P4HB: variants seen among roughly 807,000 people sequenced by gnomAD.
P4HB encodes prolyl 4-hydroxylase subunit beta, also known as protein disulfide-isomerase.
Under a neutral mutation model 52.6 loss-of-function variants are expected in P4HB, and 20 were observed. The observed-to-expected ratio is 0.38, with a 90% CI of 0.27 to 0.55. The LOEUF (loss-of-function observed/expected upper bound fraction) is 0.55, where lower values mean the gene tolerates loss of function less well. Ranked by LOEUF, P4HB falls within the 20% of genes least tolerant of loss-of-function variation. P4HB has a pLI of 0.74. For missense variants in P4HB, 601 were observed against 669.2 expected, an observed-to-expected ratio of 0.90 and a Z score of 1.12; for synonymous variants, 296 against 277.9, an observed-to-expected ratio of 1.07 and a Z score of -0.65.
intron 4 of P4HB, among the ~76,000 whole-genome samples, chr17:81,849,139 T>C (rs2038787929): frequency 6.6e-6 from 1 of 151,854 alleles, no homozygotes; most frequent in South Asian, 2.1e-4. Flanking sequence ...GGCAGGAGGA[T>C]TGCTTGAGTC....
chr17:81,844,178 C>CG (rs2038696460), intron 10 of P4HB, 86 bp from the exon 11 acceptor site: 4 of 957,656 alleles, frequency 4.2e-6, no homozygotes, highest in Non-Finnish European at 6.8e-6. Flanking sequence ...CTGCTCACAC[C>CG]GGGGACTAGC....
chr17:81,850,145 T>C (rs1169224312), intron 4 of P4HB, among the ~76,000 whole-genome samples: 2 of 151,644 alleles, frequency 1.3e-5, no homozygotes, highest in Non-Finnish European at 2.9e-5. Context: ...TTTTATTTTT[T>C]TTTTGAGACG....
At chr17:81,847,436 C>T (rs1396481236) in intron 4 of P4HB, 89 bp from the exon 5 acceptor site, 3 of 1,073,388 alleles carry the variant, frequency 2.8e-6, no homozygotes, top group East Asian at 2.4e-5. Flanking sequence ...GAAGTCACAG[C>T]AGCCAGCAGC....
At chr17:81,844,841 T>C (rs1198990752) in intron 10 of P4HB, among the ~76,000 whole-genome samples, 2 of 152,272 alleles carry the variant, frequency 1.3e-5, no homozygotes, top group South Asian at 2.1e-4. Context: ...TGAGTCCAAG[T>C]TAGCAGCATG....
chr17:81,858,246 C>T (rs1366096758), intron 2 of P4HB, among the ~76,000 whole-genome samples: 1 of 87,376 alleles, frequency 1.1e-5, no homozygotes, highest in East Asian at 2.9e-4. Context: ...CACGACAGAG[C>T]GAGACTGTCT....
At chr17:81,856,860 G>C (rs4796849) in intron 2 of P4HB, among the ~76,000 whole-genome samples, 21,478 of 151,940 alleles carry the variant, frequency 0.14, 1,922 homozygotes, top group Admixed American at 0.19. Flanking sequence ...GTGTTGGCCA[G>C]GCTGGTCTTG....
chr17:81,853,144 C>T (rs2038858351), intron 4 of P4HB, among the ~76,000 whole-genome samples: 1 of 152,160 alleles, frequency 6.6e-6, no homozygotes, highest in African/African-American at 2.4e-5. Flanking sequence ...GAGGAAGTGG[C>T]TGCAAAAACA....
chr17:81,859,048 G>A (rs1345607573), intron 2 of P4HB, 133 bp downstream of exon 2: 10 of 740,274 alleles, frequency 1.4e-5, no homozygotes, highest in East Asian at 5.1e-5. Flanking sequence ...CAGAGAACCC[G>A]GCCTGAGGAA....
rs755960544 is a variant in P4HB, at chr17:81,845,578, C to T, written c.1342G>A (p.Ala448Thr). 1 of 1,604,338 alleles carries T rather than the reference C, an allele frequency of 6.2e-7. No individual in the cohort carries two copies. The highest frequency in any genetic ancestry group is 1.1e-5 in the South Asian group (1 of 90,494). The change falls in exon 9 of 11, where the codon GCC (alanine) becomes ACC (threonine). Residue 448 changes from alanine to threonine, a missense_variant. Transcript: ENST00000331483. ...HSFPTLKFFP[A>T]SADRTVIDYN... The stretch of plus-strand genomic sequence containing the variant: ...AGGCGCACCGTCCTGTCGGCACTGG[C>T]AGGAAAGAACTTGAGTGTGGGGAAG...
chr17:81,854,276 C>T (rs918913393), intron 4 of P4HB, among the ~76,000 whole-genome samples: 2 of 152,182 alleles, frequency 1.3e-5, no homozygotes, highest in African/African-American at 2.4e-5. Flanking sequence ...CGGTGGCTCA[C>T]GCCTGTGATC....
intron 2 of P4HB, chr17:81,858,913 G>A (rs925677308): frequency 2.2e-5 from 10 of 463,040 alleles, no homozygotes; most frequent in Middle Eastern, 5.8e-4. Flanking sequence ...CCCTCTCCTC[G>A]CTGGTCAGTC....
At position 81,845,611 on chromosome 17, in the gene P4HB, C is replaced by T; in HGVS notation, c.1309G>A (p.Val437Met). 1 of 1,612,830 alleles carries T rather than the reference C, an allele frequency of 6.2e-7. No homozygotes were observed. The highest frequency in any genetic ancestry group is 8.5e-7 in the Non-Finnish European group (1 of 1,179,082). ...AACTTGAGTGTGGGGAAGCTGTGCA[C>T]TTTGACGGCCTCCACCTCGTTGGCA... ...STANEVEAVK[V>M]HSFPTLKFFP... The change falls in exon 9 of 11, where the codon GTG (valine) becomes ATG (methionine). Residue 437 changes from valine (V) to methionine (M), a missense_variant. By Grantham distance (21) the Val-to-Met change is conservative. Transcript: ENST00000331483.
rs185939475 is a variant in P4HB at position 81,857,617 on chromosome 17, C to G, written c.352+1564G>C. ...GCTGACGCCCCGCCCACCTGACTCC[C>G]GCGCCTCCTAACTTATCCCAGGCGT... On this transcript the variant is annotated intron_variant, in intron 2 of 10. Coordinates refer to ENST00000331483, the MANE Select transcript of P4HB (RefSeq NM_000918.4). Among the ~76,000 whole-genome samples, 83 of 152,336 alleles carry G rather than the reference C, an allele frequency of 5.4e-4. 1 individual carries two copies. The highest frequency in any genetic ancestry group is 8.4e-4 in the Non-Finnish European group (57 of 68,028).
chr17:81,846,046 C>T lies in P4HB; in HGVS notation c.1057-55G>A. 1 of 1,521,020 alleles carries T rather than the reference C, an allele frequency of 6.6e-7. No homozygotes were observed. Among genetic ancestry groups the T allele is most frequent in the Non-Finnish European group, 8.8e-7 (1 of 1,133,304 alleles). The allele number at this position is 1,521,020 out of a possible 1,614,324, so 94.2% of individuals were successfully genotyped here. ...CGGCGATGCCTGGGGGACCACAGAG[C>T]TCCCCAACCCTCACCCTGCCCGGGA... On this transcript the variant is annotated intron_variant, in intron 7 of 10. Transcript: ENST00000331483. The surrounding 1 kb of genome is among the most constrained non-coding windows in gnomAD (Gnocchi z 5.7).
chr17:81,848,425 G>A (rs2038773004), intron 4 of P4HB, among the ~76,000 whole-genome samples: 1 of 151,874 alleles, frequency 6.6e-6, no homozygotes. Flanking sequence ...ATGATAACAT[G>A]TAATGGGATT....
intron 1 of P4HB, 40 bp downstream of exon 1, chr17:81,860,287 C>T (rs1426966256): frequency 1.5e-6 from 2 of 1,375,350 alleles, no homozygotes; most frequent in African/African-American, 1.5e-5. Context: ...CCTGGCTCAG[C>T]GGCCCCGAGC....
At chr17:81,859,743 A>G in intron 1 of P4HB, 1 of 322,752 alleles carries the variant, frequency 3.1e-6, no homozygotes, top group Non-Finnish European at 5.9e-6. Flanking sequence ...ACAAAAGTGA[A>G]GAAGTGACCG....
In P4HB at chr17:81,845,557, G is replaced by A. The variant is rs35649520; in HGVS notation, c.1359+4C>T. ...CCCCAGCCCCGTCTGGAGGGAAGGC[G>A]CACCGTCCTGTCGGCACTGGCAGGA... On this transcript the variant is annotated splice_donor_region_variant and intron_variant, in intron 9 of 10. Transcript: ENST00000331483. 0.18 allele frequency: 278,564 copies of A among 1,587,208 alleles called. 26,096 individuals are homozygous for A. The highest frequency in any genetic ancestry group is 0.2 in the Admixed American group (11,861 of 57,876).
At position 81,852,987 on chromosome 17, in the gene P4HB, C is replaced by A. The variant is rs138977232; in HGVS notation, c.624+2155G>T. 2.9e-3 allele frequency among the ~76,000 whole-genome samples: 448 copies of A among 152,330 alleles called. 12 individuals are homozygous for A. In the East Asian group the frequency reaches 0.051, roughly 17 times the overall value. The stretch of plus-strand genomic sequence containing the variant: ...GACCTTTGGTTCCTTCAACTTTATC[C>A]AACACTTCACTGGCTTTTTCTAGTC... On this transcript the variant is annotated intron_variant, in intron 4 of 10. Transcript: ENST00000331483.
Sources: allele counts gnomAD v4.1 joint callset (sites outside exome capture counted in the v4.1 genomes callset), GRCh38; gene constraint gnomAD v4.1.1; non-coding constraint Gnocchi (gnomAD v3.1); transcripts MANE v1.5; gene names NCBI Gene and HGNC (gene_info 2026-07-23, HGNC 2026-07-21).